WNT9A: variants seen among roughly 807,000 people sequenced by gnomAD.
The protein encoded by WNT9A is Wnt family member 9A.
In WNT9A, 8 loss-of-function variants were observed where a neutral mutation model predicts 31.4. That is an observed-to-expected ratio of 0.26 (90% CI 0.15 to 0.46). WNT9A has a LOEUF of 0.46. Among genes scored for constraint, WNT9A ranks in the 20% least tolerant of loss-of-function variants. The pLI is 0.99. For missense variants in WNT9A, 457 were observed against 522.9 expected, an observed-to-expected ratio of 0.87 and a Z score of 1.23; for synonymous variants, 236 against 220.1, an observed-to-expected ratio of 1.07 and a Z score of -0.64.
rs746377965 is a variant in WNT9A at position 227,925,548 on chromosome 1, G to A, written c.96-29C>T. The A allele has an allele frequency of 1.0e-5, 15 of 1,483,476 alleles. No homozygotes were observed. The Admixed American group carries it at 1.1e-4, about 11-fold the overall frequency. The allele number at this position is 1,483,476 out of a possible 1,614,324, so 91.9% of individuals were successfully genotyped here. ...GGCACAGAGAGGCCAGCATGAGCCCGGCCCCAGGAAGCCCTGCTGGAGCCT... is the reference window on the plus strand; with the variant it reads ...GGCACAGAGAGGCCAGCATGAGCCCAGCCCCAGGAAGCCCTGCTGGAGCCT... On this transcript the variant is annotated intron_variant, in intron 1 of 3. Coordinates refer to ENST00000272164, the MANE Select transcript of WNT9A (RefSeq NM_003395.4). This position sits in a 1 kb window ranked among gnomAD's most constrained non-coding sequence, Gnocchi z 6.0.
intron 1 of WNT9A, among the ~76,000 whole-genome samples, chr1:227,927,595 G>C (rs1204363129): frequency 6.6e-6 from 1 of 152,174 alleles, no homozygotes; most frequent in Non-Finnish European, 1.5e-5. Flanking sequence ...GGCACACAGA[G>C]CACGGCTAGG....
intron 1 of WNT9A, among the ~76,000 whole-genome samples, chr1:227,943,577 A>C (rs569262108): frequency 6.6e-6 from 1 of 152,316 alleles, no homozygotes; most frequent in African/African-American, 2.4e-5. Context: ...GGTAGAAAAT[A>C]AAACAGAAAA....
intron 1 of WNT9A, among the ~76,000 whole-genome samples, chr1:227,930,903 C>T (rs1666500557): frequency 6.6e-6 from 1 of 152,044 alleles, no homozygotes; most frequent in African/African-American, 2.4e-5. Flanking sequence ...CGCCTGTAAT[C>T]CCAGCTACTC....
At chr1:227,936,487 T>C (rs1666597657) in intron 1 of WNT9A, among the ~76,000 whole-genome samples, 1 of 152,030 alleles carries the variant, frequency 6.6e-6, no homozygotes, top group Non-Finnish European at 1.5e-5. Context: ...GAACTGCACC[T>C]GGCCACCCAG....
At chr1:227,936,634 C>CTTT (rs35945819) in intron 1 of WNT9A, among the ~76,000 whole-genome samples, 5,769 of 148,582 alleles carry the variant, frequency 0.039, 348 homozygotes, top group African/African-American at 0.12. Flanking sequence ...TGCACCCAGT[C>CTTT]TTTTTTTTTT....
rs8192629 is a variant in WNT9A, at chr1:227,925,345, C to T, written c.270G>A (p.Ala90=). ...AGCGGAACTGGAACTGGCACTCGAG[C>T]GCACTCATGCTCACGGCCTCCACCA... ...ETLVEAVSMS[A]LECQFQFRFE... The change falls in exon 2 of 4, where the codon GCG becomes GCA. Residue 90 remains alanine (A), a synonymous_variant. Coordinates refer to ENST00000272164, the MANE Select transcript of WNT9A (RefSeq NM_003395.4). The surrounding 1 kb of genome is among the most constrained non-coding windows in gnomAD (Gnocchi z 6.0). The T allele has an allele frequency of 0.099, 158,934 of 1,610,442 alleles. 8,382 individuals carry two copies. The highest frequency in any genetic ancestry group is 0.13 in the South Asian group (11,384 of 90,754).
At chr1:227,939,519 G>A (rs938279247) in intron 1 of WNT9A, among the ~76,000 whole-genome samples, 1 of 152,150 alleles carries the variant, frequency 6.6e-6, no homozygotes, top group Non-Finnish European at 1.5e-5. Context: ...TGTCCCCAGA[G>A]AGAACCTGAA....
chr1:227,934,774 G>A (rs977050768), intron 1 of WNT9A, among the ~76,000 whole-genome samples: 1 of 152,176 alleles, frequency 6.6e-6, no homozygotes, highest in Non-Finnish European at 1.5e-5. Context: ...CGCAGAGCCT[G>A]AGTCACAGCC....
At position 227,925,221 on chromosome 1, in the gene WNT9A, C is replaced by T. The variant is rs776126528; in HGVS notation, c.352+42G>A. 2 of 1,487,430 alleles carry T rather than the reference C, an allele frequency of 1.3e-6. No individual in the cohort carries two copies. Among genetic ancestry groups the T allele is most frequent in the East Asian group, 2.4e-5 (1 of 40,834 alleles). 92.1% of individuals were successfully genotyped at this position (1,487,430 alleles called of 1,614,324 possible). On this transcript the variant is annotated intron_variant, in intron 2 of 3. Transcript: ENST00000272164. This position sits in a 1 kb window ranked among gnomAD's most constrained non-coding sequence, Gnocchi z 6.0. Reference sequence around the variant, plus strand: ...GATATGGACAAGGCCTGGGCTGCCACCTGTCTGGGGCCTTCCTGAGGGCCA... The same window carrying T: ...GATATGGACAAGGCCTGGGCTGCCATCTGTCTGGGGCCTTCCTGAGGGCCA...
intron 1 of WNT9A, among the ~76,000 whole-genome samples, chr1:227,932,945 T>A (rs574836670): frequency 6.6e-6 from 1 of 152,332 alleles, no homozygotes; most frequent in South Asian, 2.1e-4. Context: ...TTCTTAACAG[T>A]CATGGAATTG....
chr1:227,927,930 G>C (rs1403165806), intron 1 of WNT9A, among the ~76,000 whole-genome samples: 1 of 151,792 alleles, frequency 6.6e-6, no homozygotes. Flanking sequence ...GAAAAGGGGA[G>C]AGGAGGAGGG....
chr1:227,947,861 G>C lies in WNT9A; in HGVS notation c.27C>G (p.Arg9=). 9.2e-7 allele frequency: 1 copy of C among 1,085,422 alleles called. No homozygotes were observed. The highest frequency in any genetic ancestry group is 1.7e-5 in the African/African-American group (1 of 59,404). The allele number at this position is 1,085,422 out of a possible 1,614,324, so 67.2% of individuals were successfully genotyped here. A position where few individuals can be genotyped will look rare whatever the true frequency, so the allele number is the denominator to read the frequency against. ...TCAGCCCGAAGGCCGCGGCCAGCCA[G>C]CGCGCCAGCGGGGACCCATCCAGCA... The part of the protein sequence containing the change: MLDGSPLA[R]WLAAAFGLTL... Residue 9 remains arginine (R), a synonymous_variant, in exon 1 of 4, where the codon CGC becomes CGG. Coordinates refer to ENST00000272164, the MANE Select transcript of WNT9A (RefSeq NM_003395.4).
In WNT9A at chr1:227,926,704, G is replaced by A. The variant is rs905079661; in HGVS notation, c.96-1185C>T. ...CTCCTGAAAGCATCACTGGACACATGACGACCAACCCACCCCCAGCAGAGA... is the reference window on the plus strand; with the variant it reads ...CTCCTGAAAGCATCACTGGACACATAACGACCAACCCACCCCCAGCAGAGA... On this transcript the variant is annotated intron_variant, in intron 1 of 3. Transcript: ENST00000272164. This position sits in a 1 kb window ranked among gnomAD's most constrained non-coding sequence, Gnocchi z 5.0. Among the ~76,000 whole-genome samples the A allele has an allele frequency of 6.6e-6, 1 of 151,876 alleles. No homozygotes were observed. The highest frequency in any genetic ancestry group is 2.4e-5 in the African/African-American group (1 of 41,368).
rs1666461977 is a variant in WNT9A at position 227,928,813 on chromosome 1, A to C, written c.96-3294T>G. Reference sequence around the variant, plus strand: ...TTCCCAACACAACCTCAGAACAGAGAAGCTTTCTTCCGTGAGACTCAGAAC... The same window carrying C: ...TTCCCAACACAACCTCAGAACAGAGCAGCTTTCTTCCGTGAGACTCAGAAC... On this transcript the variant is annotated intron_variant, in intron 1 of 3. Coordinates refer to ENST00000272164, the MANE Select transcript of WNT9A (RefSeq NM_003395.4). The surrounding 1 kb of genome is among the most constrained non-coding windows in gnomAD (Gnocchi z 4.5). Among the ~76,000 whole-genome samples the C allele has an allele frequency of 6.6e-6, 1 of 152,242 alleles. No homozygotes were observed. Among genetic ancestry groups the C allele is most frequent in the African/African-American group, 2.4e-5 (1 of 41,460 alleles).
chr1:227,934,764 C>T (rs910918073), intron 1 of WNT9A, among the ~76,000 whole-genome samples: 55 of 152,180 alleles, frequency 3.6e-4, no homozygotes, highest in African/African-American at 1.1e-3. Flanking sequence ...CAGGTCACGA[C>T]GCAGAGCCTG....
Position 227,921,537 on chromosome 1 carries a change from ACCT to A in WNT9A, c.1076_1078del (p.Glu359del), listed in dbSNP as rs1163145159. Reference sequence around the variant, plus strand: ...GGGAACTCAGCCCTTGCAGGTGTAGACCTCCTCACGCTGCGTGCACTGCCTGCA... The same window carrying A: ...GGGAACTCAGCCCTTGCAGGTGTAGACCTCACGCTGCGTGCACTGCCTGCA... On this transcript the variant is annotated inframe_deletion, in exon 4 of 4. Coordinates refer to ENST00000272164, the MANE Select transcript of WNT9A (RefSeq NM_003395.4). The A allele has an allele frequency of 6.2e-7, 1 of 1,610,366 alleles. No individual in the cohort carries two copies. Among genetic ancestry groups the A allele is most frequent in the Non-Finnish European group, 8.5e-7 (1 of 1,178,016 alleles).
chr1:227,934,450 G>A (rs1666557431), intron 1 of WNT9A, among the ~76,000 whole-genome samples: 1 of 152,082 alleles, frequency 6.6e-6, no homozygotes. Flanking sequence ...GTTTTTGTCT[G>A]AAGAATCTGT....
At position 227,919,789 on chromosome 1, in the gene WNT9A, C is replaced by T. The variant is rs1041968931; in HGVS notation, c.*1729G>A. ...CATTGACCACGCCAGCACACACGCA[C>T]TCACAACACTCACAACATACGCACA... On this transcript the variant is annotated 3_prime_UTR_variant, in exon 4 of 4. Transcript: ENST00000272164. 2.3e-4 allele frequency: 24 copies of T among 102,784 alleles called. No individual in the cohort carries two copies. Among genetic ancestry groups the T allele is most frequent in the African/African-American group, 7.5e-4 (24 of 31,934 alleles). The allele number at this position is 102,784 out of a possible 1,614,324, so 6.4% of individuals were successfully genotyped here.
Position 227,947,928 on chromosome 1 carries a change from C to G in WNT9A, c.-41G>C. 4 of 1,010,630 alleles carry G rather than the reference C, an allele frequency of 4.0e-6. No homozygotes were observed. Among genetic ancestry groups the G allele is most frequent in the Non-Finnish European group, 4.8e-6 (4 of 841,316 alleles). 62.6% of individuals were successfully genotyped at this position (1,010,630 alleles called of 1,614,324 possible). A position where few individuals can be genotyped will look rare whatever the true frequency, so the allele number is the denominator to read the frequency against. ...CGGCCGACCATCGCGCTCCCAGCTC[C>G]GCGCAGGGCGCGCCGCGGCCGCCGC... On this transcript the variant is annotated 5_prime_UTR_variant, in exon 1 of 4. Transcript: ENST00000272164.
Sources: gnomAD v4.1 joint callset for allele counts (sites outside exome capture counted in the v4.1 genomes callset) on GRCh38, gnomAD v4.1.1 for gene constraint, Gnocchi (gnomAD v3.1) non-coding constraint, MANE v1.5 for transcripts, NCBI Gene and HGNC (gene_info 2026-07-23, HGNC 2026-07-21) for gene names.